Variants in MSN observed in about 807,000 individuals in gnomAD.
MSN encodes the protein moesin, also known as epididymis luminal protein 70.
A neutral mutation model predicts 48.0 loss-of-function variants in MSN; 2 were observed. That is an observed-to-expected ratio of 0.04 (90% CI 0.02 to 0.13). MSN has a LOEUF of 0.13. Ranked by LOEUF, MSN falls within the 10% of genes least tolerant of loss-of-function variation. The pLI is 1.00. For missense variants in MSN, 267 were observed against 470.1 expected (o/e 0.57, Z 3.99); for synonymous variants, 146 against 166.9 (o/e 0.87, Z 0.97).
At chrX:65,705,345 A>G (rs994081521) in intron 1 of MSN, among the ~76,000 whole-genome samples, 19 of 112,003 alleles carry the variant, frequency 1.7e-4, no homozygotes, top group Non-Finnish European at 3.2e-4. Flanking sequence ...AGGAATGGCC[A>G]TGCTAAGGAG....
intron 1 of MSN, among the ~76,000 whole-genome samples, chrX:65,693,633 A>G (rs1195217340): frequency 1.8e-5 from 2 of 112,121 alleles, no homozygotes; most frequent in East Asian, 2.8e-4. Context: ...TTCAAGAGAA[A>G]GGAGGGTGGT....
At chrX:65,616,222 G>GT (rs1161049182) in intron 1 of MSN, among the ~76,000 whole-genome samples, 1 of 109,435 alleles carries the variant, frequency 9.1e-6, no homozygotes, top group African/African-American at 3.3e-5. Context: ...CTTTAAAGTG[G>GT]TTTTTTCCAA....
chrX:65,626,869 C>T (rs750550758), intron 1 of MSN, among the ~76,000 whole-genome samples: 5 of 111,538 alleles, frequency 4.5e-5, no homozygotes, highest in Non-Finnish European at 9.4e-5. Flanking sequence ...CTAGAATGGA[C>T]TTACACTATG....
chrX:65,641,016 C>T (rs1281229729), intron 1 of MSN, among the ~76,000 whole-genome samples: 7 of 108,440 alleles, frequency 6.5e-5, no homozygotes, highest in Non-Finnish European at 9.6e-5. Context: ...GGCTAAGGAA[C>T]GAGAATTGCT....
chrX:65,592,010 A>G (rs2070150787), intron 1 of MSN, among the ~76,000 whole-genome samples: 1 of 109,114 alleles, frequency 9.2e-6, no homozygotes, highest in Non-Finnish European at 1.9e-5. Context: ...GCTATTGATG[A>G]CAATTGGTAC....
At chrX:65,730,926 C>G (rs772262978) in intron 4 of MSN, among the ~76,000 whole-genome samples, 181 bp from the exon 5 acceptor site, 1 of 112,091 alleles carries the variant, frequency 8.9e-6, no homozygotes, top group Admixed American at 9.4e-5. Flanking sequence ...ACCTTTCAGG[C>G]AATTCCTTGT....
chrX:65,687,687 G>A (rs1293812754), intron 1 of MSN, among the ~76,000 whole-genome samples: 1 of 111,768 alleles, frequency 8.9e-6, no homozygotes, highest in East Asian at 2.8e-4. Flanking sequence ...CTCCAGCTGT[G>A]AACTCAGGTA....
chrX:65,735,444 A>G lies in MSN; in HGVS notation c.959+14A>G, dbSNP rs763028981. ...GCAGATGGAGCGGTAGGTGCTGCACACTGATGTGGGGGGCCAGGGCTGGGG... is the reference window on the plus strand; with the variant it reads ...GCAGATGGAGCGGTAGGTGCTGCACGCTGATGTGGGGGGCCAGGGCTGGGG... On this transcript the variant is annotated intron_variant, in intron 8 of 12. Transcript: ENST00000360270. The G allele has an allele frequency of 2.5e-6, 3 of 1,189,845 alleles. No homozygotes were observed. The highest frequency in any genetic ancestry group is 3.4e-6 in the Non-Finnish European group (3 of 881,808).
At chrX:65,597,184 A>G (rs1212505776) in intron 1 of MSN, among the ~76,000 whole-genome samples, 2 of 109,058 alleles carry the variant, frequency 1.8e-5, no homozygotes, top group Non-Finnish European at 3.8e-5. Flanking sequence ...CTGAGTAGCT[A>G]GGACCACCAT....
At chrX:65,663,854 C>T (rs539073919), upstream of MSN, among the ~76,000 whole-genome samples, 1 of 109,710 alleles carries the variant, frequency 9.1e-6, no homozygotes, top group South Asian at 3.9e-4. Context: ...GTCAGGAGAT[C>T]GAGACCATCC....
intron 10 of MSN, among the ~76,000 whole-genome samples, chrX:65,737,783 C>G (rs1227310343): frequency 9.5e-6 from 1 of 105,106 alleles, no homozygotes; most frequent in Admixed American, 9.6e-5. Context: ...AAAGATCACA[C>G]AATTGTAGCT....
intron 1 of MSN, among the ~76,000 whole-genome samples, chrX:65,711,363 T>G (rs2071413758): frequency 9.2e-6 from 1 of 108,464 alleles, no homozygotes. Context: ...CCTGGCCTAA[T>G]TTTTGTATTT....
intron 8 of MSN, 40 bp from the exon 9 acceptor site, chrX:65,736,755 C>T (rs1295292618): frequency 5.2e-6 from 6 of 1,151,252 alleles, no homozygotes; most frequent in African/African-American, 1.8e-5. Flanking sequence ...TTTTGTGGAG[C>T]GTTGTTATCC....
chrX:65,670,896 T>TTATATATATA (rs57076717), intron 1 of MSN, among the ~76,000 whole-genome samples: 1 of 14,049 alleles, frequency 7.1e-5, no homozygotes, highest in Non-Finnish European at 1.2e-4. Context: ...ATGATGACAG[T>TTATATATATA]TATATATATA....
chrX:65,621,450 T>C (rs2070445147), intron 1 of MSN, among the ~76,000 whole-genome samples: 2 of 112,233 alleles, frequency 1.8e-5, no homozygotes, highest in Non-Finnish European at 3.8e-5. Context: ...CCTTTCAATT[T>C]TATTTCATTC....
intron 2 of MSN, among the ~76,000 whole-genome samples, chrX:65,718,949 GTTTTAC>G (rs1385242214): frequency 1.8e-5 from 2 of 111,123 alleles, no homozygotes; most frequent in African/African-American, 3.3e-5. Flanking sequence ...TTTTGTGTTT[GTTTTAC>G]TTTGAATGGC....
intron 1 of MSN, among the ~76,000 whole-genome samples, chrX:65,683,824 C>G (rs943681477): frequency 2.7e-5 from 3 of 111,475 alleles, no homozygotes; most frequent in African/African-American, 6.5e-5. Context: ...AGAAATGAAA[C>G]AGCATTGAAA....
chrX:65,680,039 C>CT (rs2071038691), intron 1 of MSN, among the ~76,000 whole-genome samples: 1 of 112,079 alleles, frequency 8.9e-6, no homozygotes, highest in Admixed American at 9.5e-5. Flanking sequence ...TCCTAGGTAC[C>CT]TCACATGGGT....
chrX:65,589,903 T>A (rs1426091134), intron 1 of MSN: 1 of 108,846 alleles, frequency 9.2e-6, no homozygotes, highest in East Asian at 2.8e-4. Context: ...TTCGCTCTTG[T>A]TGCCCAGACT....
Sources: allele counts gnomAD v4.1 joint callset (sites outside exome capture counted in the v4.1 genomes callset), GRCh38; gene constraint gnomAD v4.1.1; transcripts MANE v1.5; gene names NCBI Gene and HGNC (gene_info 2026-07-23, HGNC 2026-07-21).